The following NRXN1 variants were observed in gnomAD, a reference collection of about 807,000 sequenced individuals.
The protein encoded by NRXN1 is neurexin 1.
NRXN1 carries 39 observed loss-of-function variants against 150.9 expected under a neutral mutation model. The observed-to-expected ratio is 0.26, with a 90% CI of 0.20 to 0.34. The LOEUF is 0.34. Ranked by LOEUF, NRXN1 falls within the 10% of genes least tolerant of loss-of-function variation. The pLI is 1.00. For synonymous variants in NRXN1, 924 were observed against 757.0 expected (o/e 1.22, Z -3.62); for missense variants, 1,815 against 1,949.9 (o/e 0.93, Z 1.30).
intron 18 of NRXN1, among the ~76,000 whole-genome samples, chr2:50,140,600 A>T (rs184109669): frequency 6.6e-6 from 1 of 152,134 alleles, no homozygotes; most frequent in African/African-American, 2.4e-5. Context: ...GCAACTATTC[A>T]CTTCCATTCG....
Position 50,567,490 on chromosome 2 carries a change from C to T in NRXN1, c.1321-14465G>A, listed in dbSNP as rs572873136. Reference sequence around the variant, plus strand: ...AAGGAGGATGTTAAATCTCATATCACGACAAATATTTCAATGAAATATTTT... The same window carrying T: ...AAGGAGGATGTTAAATCTCATATCATGACAAATATTTCAATGAAATATTTT... On this transcript the variant is annotated intron_variant, in intron 8 of 22. Coordinates refer to ENST00000401669, the MANE Select transcript of NRXN1 (RefSeq NM_001330078.2). Among the ~76,000 whole-genome samples the T allele has an allele frequency of 2.9e-4, 44 of 152,034 alleles. 1 individual carries two copies. Among genetic ancestry groups the T allele is most frequent in the African/African-American group, 8.9e-4 (37 of 41,476 alleles).
At chr2:50,079,917 C>T (rs1697688861) in intron 19 of NRXN1, among the ~76,000 whole-genome samples, 1 of 151,928 alleles carries the variant, frequency 6.6e-6, no homozygotes, top group African/African-American at 2.4e-5. Flanking sequence ...TACCCACAGT[C>T]GAATGCAGTC....
At chr2:50,492,694 A>T (rs945097701) in intron 15 of NRXN1, among the ~76,000 whole-genome samples, 1 of 152,212 alleles carries the variant, frequency 6.6e-6, no homozygotes, top group African/African-American at 2.4e-5. Context: ...ATGGTAAAAC[A>T]TAAGGAGGAT....
chr2:50,530,478 A>T (rs933688221), intron 11 of NRXN1, among the ~76,000 whole-genome samples: 3 of 152,220 alleles, frequency 2.0e-5, no homozygotes, highest in Non-Finnish European at 4.4e-5. Flanking sequence ...CAAATTTTAA[A>T]ATCTGCAATT....
chr2:50,403,847 T>C (rs985432163), intron 17 of NRXN1, among the ~76,000 whole-genome samples: 16 of 152,118 alleles, frequency 1.1e-4, no homozygotes, highest in African/African-American at 3.4e-4. Flanking sequence ...AAGCAGACGT[T>C]TGAAAAATCT....
At chr2:49,935,274 A>G (rs13016321) in intron 22 of NRXN1, among the ~76,000 whole-genome samples, 32,162 of 152,090 alleles carry the variant, frequency 0.21, 3,623 homozygotes, top group East Asian at 0.3. Context: ...GTAGGTGGCC[A>G]AATTGAGATT....
At chr2:50,281,468 A>G (rs926766470) in intron 17 of NRXN1, among the ~76,000 whole-genome samples, 2 of 152,050 alleles carry the variant, frequency 1.3e-5, no homozygotes, top group African/African-American at 2.4e-5. Flanking sequence ...CTACCTTTCC[A>G]TAACTATAAT....
At chr2:50,881,576 AG>A (rs570107835) in intron 5 of NRXN1, among the ~76,000 whole-genome samples, 74 of 152,006 alleles carry the variant, frequency 4.9e-4, no homozygotes, top group African/African-American at 1.8e-3. Context: ...AAGGACACAC[AG>A]GGTTTTCTTT....
chr2:50,604,033 C>T (rs2103977097), intron 8 of NRXN1, among the ~76,000 whole-genome samples: 1 of 152,212 alleles, frequency 6.6e-6, no homozygotes, highest in East Asian at 1.9e-4. Context: ...ATTCTTCTTT[C>T]TCCAAAACTG....
At chr2:50,081,831 G>A (rs1049459045) in intron 19 of NRXN1, among the ~76,000 whole-genome samples, 4 of 152,116 alleles carry the variant, frequency 2.6e-5, no homozygotes, top group African/African-American at 9.7e-5. Context: ...AACTCAGAGT[G>A]TTTGAGAAAG....
intron 5 of NRXN1, among the ~76,000 whole-genome samples, chr2:50,787,004 T>C (rs893250260): frequency 6.6e-6 from 1 of 152,178 alleles, no homozygotes; most frequent in African/African-American, 2.4e-5. Context: ...TGAATGCATT[T>C]ACAGCTGTAG....
chr2:50,334,192 A>AATTTTATATATATATATATATATATATAT (rs57808424), intron 17 of NRXN1, among the ~76,000 whole-genome samples: 22 of 118,974 alleles, frequency 1.8e-4, no homozygotes, highest in Middle Eastern at 4.1e-3. Flanking sequence ...ACCAGGACCA[A>AATTTTATATATATATATATATATATATAT]ATATATATAT....
intron 5 of NRXN1, chr2:50,918,954 T>C (rs1474909632): frequency 6.3e-6 from 1 of 158,138 alleles, no homozygotes; most frequent in Non-Finnish European, 1.4e-5. Flanking sequence ...AAGAAAACTA[T>C]AATTCATTCA....
chr2:50,746,568 C>G (rs1203253356), intron 5 of NRXN1, among the ~76,000 whole-genome samples: 2 of 150,280 alleles, frequency 1.3e-5, no homozygotes, highest in Admixed American at 1.3e-4. Context: ...AAAACAACAA[C>G]AACAACAACA....
intron 5 of NRXN1, among the ~76,000 whole-genome samples, chr2:50,630,233 C>A (rs573915701): frequency 6.6e-6 from 1 of 151,604 alleles, no homozygotes; most frequent in East Asian, 1.9e-4. Context: ...AAAAGTTAAC[C>A]ATTACTGAAC....
intron 18 of NRXN1, chr2:50,207,842 A>C (rs114544771): frequency 0.01 from 1,579 of 157,426 alleles, 17 homozygotes; most frequent in Middle Eastern, 0.079. Context: ...GCCATTTCAA[A>C]TCTCTTCCCT....
chr2:50,246,345 T>C (rs764752900), intron 17 of NRXN1, among the ~76,000 whole-genome samples: 5 of 152,024 alleles, frequency 3.3e-5, no homozygotes, highest in Non-Finnish European at 7.4e-5. Context: ...AGCAATGGAA[T>C]TAAATCCTTA....
chr2:50,407,121 A>G (rs1346878287), intron 17 of NRXN1, among the ~76,000 whole-genome samples: 1 of 152,186 alleles, frequency 6.6e-6, no homozygotes, highest in South Asian at 2.1e-4. Context: ...TGTATTTTTT[A>G]AATTATTAAA....
chr2:50,196,139 C>CA (rs2061746788), intron 18 of NRXN1, among the ~76,000 whole-genome samples: 1 of 150,490 alleles, frequency 6.6e-6, no homozygotes, highest in African/African-American at 2.4e-5. Context: ...ACCACCCCCA[C>CA]AGGTCTCAGG....
Sources: gnomAD v4.1 joint callset for allele counts (sites outside exome capture counted in the v4.1 genomes callset) on GRCh38, gnomAD v4.1.1 for gene constraint, MANE v1.5 for transcripts, NCBI Gene and HGNC (gene_info 2026-07-23, HGNC 2026-07-21) for gene names.